TRIP4: variants seen among roughly 807,000 people sequenced by gnomAD.
TRIP4 encodes activating signal cointegrator 1.
In TRIP4, 54 loss-of-function variants were observed where a neutral mutation model predicts 81.8. The observed-to-expected ratio is 0.66, with a 90% CI of 0.53 to 0.83. The LOEUF (loss-of-function observed/expected upper bound fraction) is 0.83, where lower values mean the gene tolerates loss of function less well. Ranked by LOEUF, TRIP4 falls within the 40% of genes least tolerant of loss-of-function variation. The pLI, the probability that TRIP4 is intolerant of heterozygous loss-of-function variation, is 0.00. For synonymous variants in TRIP4, 270 were observed against 242.8 expected, an observed-to-expected ratio of 1.11 and a Z score of -1.04; for missense variants, 662 against 683.6, an observed-to-expected ratio of 0.97 and a Z score of 0.35.
intron 11 of TRIP4, among the ~76,000 whole-genome samples, chr15:64,442,642 C>A (rs7496964): frequency 6.7e-6 from 1 of 149,780 alleles, no homozygotes; most frequent in Non-Finnish European, 1.5e-5. Context: ...AAAAAGAATT[C>A]TATCAAGTTC....
chr15:64,420,878 C>CA (rs1234274663), intron 9 of TRIP4, among the ~76,000 whole-genome samples: 1 of 152,030 alleles, frequency 6.6e-6, no homozygotes, highest in Non-Finnish European at 1.5e-5. Flanking sequence ...GGCAATGTCC[C>CA]AACTCATAAC....
intron 12 of TRIP4, among the ~76,000 whole-genome samples, chr15:64,452,784 G>A (rs1407496145): frequency 6.6e-6 from 1 of 152,162 alleles, no homozygotes; most frequent in Non-Finnish European, 1.5e-5. Flanking sequence ...GGAACCTTCA[G>A]TATTGTATAG....
chr15:64,426,798 A>C (rs1427412491), intron 11 of TRIP4, among the ~76,000 whole-genome samples: 1 of 151,986 alleles, frequency 6.6e-6, no homozygotes, highest in Non-Finnish European at 1.5e-5. Flanking sequence ...CAGGAGATCA[A>C]GACTATCCTG....
intron 9 of TRIP4, among the ~76,000 whole-genome samples, chr15:64,422,548 C>A (rs183167152): frequency 6.6e-6 from 1 of 152,304 alleles, no homozygotes; most frequent in East Asian, 1.9e-4. Context: ...GCATGGGAAT[C>A]CGCTTCTGCT....
chr15:64,393,206 G>C (rs1256221437), intron 1 of TRIP4: 1 of 147,044 alleles, frequency 6.8e-6, no homozygotes, highest in Non-Finnish European at 1.5e-5. Flanking sequence ...CTGGAGTGCA[G>C]TGGCACGATC....
At chr15:64,420,499 A>G (rs996922225) in intron 9 of TRIP4, among the ~76,000 whole-genome samples, 2 of 149,340 alleles carry the variant, frequency 1.3e-5, no homozygotes, top group Admixed American at 1.4e-4. Context: ...TTCACTTATC[A>G]TTACAACATA....
At chr15:64,392,990 C>G (rs1287019150) in intron 1 of TRIP4, among the ~76,000 whole-genome samples, 1 of 152,050 alleles carries the variant, frequency 6.6e-6, no homozygotes, top group Non-Finnish European at 1.5e-5. Flanking sequence ...TCCACCATTA[C>G]ACTGTGAAAA....
intron 1 of TRIP4, among the ~76,000 whole-genome samples, chr15:64,390,378 C>T (rs1194808259): frequency 2.0e-5 from 3 of 151,218 alleles, no homozygotes; most frequent in East Asian, 3.9e-4. Flanking sequence ...AGGAGAATCC[C>T]TTGAACCGCG....
chr15:64,446,867 G>A (rs1050309073), intron 12 of TRIP4, among the ~76,000 whole-genome samples: 22 of 151,878 alleles, frequency 1.4e-4, no homozygotes, highest in African/African-American at 5.1e-4. Flanking sequence ...CACTTTGGGA[G>A]GCCGAGGCAA....
At chr15:64,428,059 A>G (rs1892188810) in intron 11 of TRIP4, among the ~76,000 whole-genome samples, 1 of 152,130 alleles carries the variant, frequency 6.6e-6, no homozygotes, top group African/African-American at 2.4e-5. Context: ...TTAGTATAAC[A>G]TACTGCATTA....
chr15:64,395,483 T>C lies in TRIP4; in HGVS notation c.357T>C (p.Thr119=), dbSNP rs1900264862. The change falls in exon 3 of 13, where the codon ACT becomes ACC. Residue 119 remains threonine, a synonymous_variant. Coordinates refer to ENST00000261884, the MANE Select transcript of TRIP4 (RefSeq NM_016213.5). The stretch of plus-strand genomic sequence containing the variant: ...ACAGACAGGAAGTTCCTGCATTTAC[T>C]GAACCTGACACGACTGCAGAGGTTA... The part of the protein sequence containing the change: ...GRNRQEVPAF[T]EPDTTAEVKT... 6.2e-7 allele frequency: 1 copy of C among 1,614,028 alleles called. No individual in the cohort carries two copies. Among genetic ancestry groups the C allele is most frequent in the South Asian group, 1.1e-5 (1 of 91,068 alleles).
At chr15:64,433,425 A>C (rs2140306184) in intron 11 of TRIP4, among the ~76,000 whole-genome samples, 1 of 152,058 alleles carries the variant, frequency 6.6e-6, no homozygotes, top group African/African-American at 2.4e-5. Context: ...ACATAATGAA[A>C]CCTCATCTCT....
chr15:64,409,044 C>G (rs1237398222), intron 6 of TRIP4, among the ~76,000 whole-genome samples: 2 of 152,006 alleles, frequency 1.3e-5, no homozygotes, highest in Admixed American at 1.3e-4. Context: ...GAAACCCCAT[C>G]CCTACTAAAA....
chr15:64,396,489 G>T (rs897536938), intron 3 of TRIP4, among the ~76,000 whole-genome samples: 3 of 151,924 alleles, frequency 2.0e-5, no homozygotes, highest in African/African-American at 4.8e-5. Context: ...ATGTTGGCCA[G>T]GCTGGTCTTG....
chr15:64,437,326 G>A (rs1465166200), intron 11 of TRIP4, among the ~76,000 whole-genome samples: 1 of 151,312 alleles, frequency 6.6e-6, no homozygotes, highest in Non-Finnish European at 1.5e-5. Flanking sequence ...GCTGAGGCAG[G>A]AGAATCTCTT....
At chr15:64,421,797 A>T (rs1021539208) in intron 9 of TRIP4, among the ~76,000 whole-genome samples, 24 of 152,160 alleles carry the variant, frequency 1.6e-4, no homozygotes, top group African/African-American at 5.5e-4. Flanking sequence ...TAATCCCAGC[A>T]CTTTGGGAGG....
intron 11 of TRIP4, among the ~76,000 whole-genome samples, chr15:64,433,713 G>C (rs1411050525): frequency 6.6e-6 from 1 of 152,212 alleles, no homozygotes; most frequent in Non-Finnish European, 1.5e-5. Context: ...CAAGGATGAG[G>C]AGTAATGGGA....
intron 3 of TRIP4, among the ~76,000 whole-genome samples, chr15:64,396,188 C>G (rs778113498): frequency 6.7e-6 from 1 of 150,306 alleles, no homozygotes; most frequent in Non-Finnish European, 1.5e-5. Context: ...GGATTACAGG[C>G]GTGAGCCACC....
chr15:64,423,900 C>G (rs1009296080), intron 9 of TRIP4, 131 bp from the exon 10 acceptor site: 33 of 1,023,592 alleles, frequency 3.2e-5, no homozygotes, highest in Middle Eastern at 6.0e-4. Context: ...AAAGATACTG[C>G]TCTTGAGAAG....
Sources: allele counts gnomAD v4.1 joint callset (sites outside exome capture counted in the v4.1 genomes callset), GRCh38; gene constraint gnomAD v4.1.1; transcripts MANE v1.5; gene names NCBI Gene and HGNC (gene_info 2026-07-23, HGNC 2026-07-21).